Variants in DSE observed in about 807,000 individuals in gnomAD.
The protein encoded by DSE is dermatan-sulfate epimerase.
DSE carries 36 observed loss-of-function variants against 84.4 expected under a neutral mutation model. The ratio of observed to expected loss-of-function variants is 0.43; its 90% CI spans 0.33 to 0.56. DSE has a LOEUF of 0.56. Ranked by LOEUF, DSE falls within the 20% of genes least tolerant of loss-of-function variation. DSE has a pLI of 0.06. For missense variants in DSE, 862 were observed against 1,169.6 expected (o/e 0.74, Z 3.84); for synonymous variants, 410 against 430.1 (o/e 0.95, Z 0.58).
At chr6:116,300,515 T>C (rs1774971875) in intron 2 of DSE, among the ~76,000 whole-genome samples, 1 of 152,190 alleles carries the variant, frequency 6.6e-6, no homozygotes, top group South Asian at 2.1e-4. Context: ...ATGCATAATA[T>C]TTGGTAATGG....
chr6:116,315,518 A>G (rs1415248773), intron 2 of DSE, among the ~76,000 whole-genome samples: 3 of 152,130 alleles, frequency 2.0e-5, no homozygotes, highest in Non-Finnish European at 4.4e-5. Context: ...AAGTACATAG[A>G]TTAAGTAATT....
intron 2 of DSE, among the ~76,000 whole-genome samples, chr6:116,304,742 C>T (rs1775242934): frequency 6.6e-6 from 1 of 152,102 alleles, no homozygotes; most frequent in African/African-American, 2.4e-5. Context: ...CTCAGGGGTT[C>T]CTCAGTTCTT....
At chr6:116,431,684 T>C (rs1326878219) in intron 4 of DSE, among the ~76,000 whole-genome samples, 3 of 152,184 alleles carry the variant, frequency 2.0e-5, no homozygotes, top group African/African-American at 7.2e-5. Context: ...TGTAATATTT[T>C]ATTGAAGTAA....
intron 2 of DSE, among the ~76,000 whole-genome samples, chr6:116,360,350 A>T (rs1353833685): frequency 2.6e-5 from 4 of 151,766 alleles, no homozygotes; most frequent in African/African-American, 7.3e-5. Context: ...TAAAATTTTT[A>T]AAAATTTTGA....
chr6:116,356,410 A>G (rs530381622), intron 2 of DSE, among the ~76,000 whole-genome samples: 3 of 152,206 alleles, frequency 2.0e-5, no homozygotes, highest in African/African-American at 7.2e-5. Context: ...ACTTACACTA[A>G]AACCATAATG....
At chr6:116,395,767 T>C (rs1781215406) in intron 1 of DSE, among the ~76,000 whole-genome samples, 1 of 152,178 alleles carries the variant, frequency 6.6e-6, no homozygotes, top group Non-Finnish European at 1.5e-5. Context: ...TTGGCTCTTC[T>C]CTTTGTACAA....
chr6:116,332,755 A>C (rs1277652134), intron 2 of DSE, among the ~76,000 whole-genome samples: 1 of 152,176 alleles, frequency 6.6e-6, no homozygotes, highest in East Asian at 1.9e-4. Flanking sequence ...AATTGGTAAA[A>C]AGTCAAGCTA....
At chr6:116,350,287 G>A (rs1475916767) in intron 2 of DSE, among the ~76,000 whole-genome samples, 1 of 152,128 alleles carries the variant, frequency 6.6e-6, no homozygotes, top group African/African-American at 2.4e-5. Flanking sequence ...CAATGGGTAT[G>A]GGCCTACATT....
At chr6:116,389,193 A>G (rs1382333523) in intron 1 of DSE, among the ~76,000 whole-genome samples, 2 of 152,190 alleles carry the variant, frequency 1.3e-5, no homozygotes, top group East Asian at 3.8e-4. Context: ...CTTTAAGTAT[A>G]TCAGCTAATT....
At chr6:116,263,490 A>G (rs1562189744) in intron 2 of DSE, among the ~76,000 whole-genome samples, 3 of 151,778 alleles carry the variant, frequency 2.0e-5, no homozygotes, top group Middle Eastern at 3.4e-3. Context: ...TTGAGCCTAT[A>G]TATGTCATTG....
intron 2 of DSE, among the ~76,000 whole-genome samples, chr6:116,292,498 T>A (rs976081031): frequency 2.6e-5 from 4 of 151,896 alleles, no homozygotes; most frequent in Admixed American, 2.6e-4. Context: ...AATGAACATA[T>A]AGATAGTGTG....
chr6:116,428,856 A>C (rs1783617293), intron 3 of DSE, among the ~76,000 whole-genome samples: 1 of 152,234 alleles, frequency 6.6e-6, no homozygotes, highest in African/African-American at 2.4e-5. Context: ...GAAATTAAAA[A>C]ACATTCCAGG....
chr6:116,279,944 C>T (rs987118153), intron 2 of DSE: 6 of 1,499,230 alleles, frequency 4.0e-6, no homozygotes, highest in East Asian at 4.5e-5. Flanking sequence ...ATTTCAGCGG[C>T]GGTGTCGTCA....
upstream of DSE, chr6:116,370,004 A>G (rs1182765002): frequency 3.2e-6 from 4 of 1,233,068 alleles, no homozygotes; most frequent in Non-Finnish European, 4.3e-6. Context: ...GTGGAGGTGG[A>G]AGGGGCAAAG....
chr6:116,308,150 A>G (rs1775456467), intron 2 of DSE, among the ~76,000 whole-genome samples: 1 of 152,196 alleles, frequency 6.6e-6, no homozygotes, highest in Non-Finnish European at 1.5e-5. Context: ...CATGGAGTGG[A>G]TTTATTTCTC....
intron 1 of DSE, among the ~76,000 whole-genome samples, chr6:116,395,695 C>T (rs956334997): frequency 4.6e-5 from 7 of 152,050 alleles, no homozygotes; most frequent in Non-Finnish European, 7.3e-5. Flanking sequence ...GTAAAATTAA[C>T]GTAAAGCCTG....
upstream of DSE, among the ~76,000 whole-genome samples, chr6:116,369,260 A>G (rs1279988079): frequency 6.6e-6 from 1 of 152,220 alleles, no homozygotes; most frequent in Non-Finnish European, 1.5e-5. Flanking sequence ...CTAGACTACT[A>G]CTTGCTGAGA....
At chr6:116,267,601 AAGGTT>A (rs1429730809) in intron 2 of DSE, among the ~76,000 whole-genome samples, 1 of 152,210 alleles carries the variant, frequency 6.6e-6, no homozygotes, top group Non-Finnish European at 1.5e-5. Context: ...ACAGTAAGCT[AAGGTT>A]AATTTATTAT....
At chr6:116,257,249 C>T (rs569842618) in intron 1 of DSE, 1 of 152,198 alleles carries the variant, frequency 6.6e-6, no homozygotes, top group South Asian at 2.1e-4. Flanking sequence ...CCTCCCCTTC[C>T]CTATGCCTCA....
Sources: allele counts gnomAD v4.1 joint callset (sites outside exome capture counted in the v4.1 genomes callset), GRCh38; gene constraint gnomAD v4.1.1; transcripts MANE v1.5; gene names NCBI Gene and HGNC (gene_info 2026-07-23, HGNC 2026-07-21).